FCHSD2: variants seen among roughly 807,000 people sequenced by gnomAD.
The protein encoded by FCHSD2 is F-BAR and double SH3 domains protein 2.
FCHSD2 carries 38 observed loss-of-function variants against 108.1 expected under a neutral mutation model. The ratio of observed to expected loss-of-function variants is 0.35; its 90% CI spans 0.27 to 0.46. FCHSD2 has a LOEUF of 0.46. Among genes scored for constraint, FCHSD2 ranks in the 20% least tolerant of loss-of-function variants. The pLI is 1.00. For missense variants in FCHSD2, 751 were observed against 897.8 expected (o/e 0.84, Z 2.09); for synonymous variants, 279 against 314.7 (o/e 0.89, Z 1.20).
chr11:72,983,964 C>T, intron 8 of FCHSD2, 124 bp downstream of exon 8: 1 of 759,774 alleles, frequency 1.3e-6, no homozygotes, highest in Admixed American at 2.0e-5. Context: ...CAAGTATATT[C>T]CAATGAGATG....
intron 2 of FCHSD2, among the ~76,000 whole-genome samples, chr11:73,096,832 A>C (rs1234635164): frequency 1.4e-5 from 2 of 141,374 alleles, no homozygotes; most frequent in African/African-American, 5.2e-5. Flanking sequence ...GTCTCAAAAC[A>C]AAAAAAAAAA....
At chr11:73,126,643 T>C (rs1250476107) in intron 2 of FCHSD2, among the ~76,000 whole-genome samples, 2 of 152,164 alleles carry the variant, frequency 1.3e-5, no homozygotes, top group African/African-American at 4.8e-5. Flanking sequence ...TTAACAGACA[T>C]GCAATAAAAT....
intron 13 of FCHSD2, among the ~76,000 whole-genome samples, chr11:72,853,369 G>C (rs1861342628): frequency 6.6e-6 from 1 of 152,160 alleles, no homozygotes; most frequent in East Asian, 1.9e-4. Context: ...CTAAGCCTAT[G>C]AAACTTTAAA....
chr11:73,020,096 C>T (rs1858066115), intron 3 of FCHSD2, among the ~76,000 whole-genome samples: 1 of 152,154 alleles, frequency 6.6e-6, no homozygotes, highest in African/African-American at 2.4e-5. Context: ...TATCAATATA[C>T]TCTTTGAAAC....
At chr11:73,087,315 C>T (rs1285480701) in intron 2 of FCHSD2, among the ~76,000 whole-genome samples, 1 of 151,656 alleles carries the variant, frequency 6.6e-6, no homozygotes, top group Non-Finnish European at 1.5e-5. Flanking sequence ...AAGCTAAATG[C>T]TATTTCAAAA....
intron 12 of FCHSD2, among the ~76,000 whole-genome samples, chr11:72,870,894 C>T (rs1230325376): frequency 1.4e-4 from 8 of 57,000 alleles, no homozygotes; most frequent in South Asian, 9.5e-4. Context: ...TGCGAGACTC[C>T]GTCTCAAAAA....
intron 8 of FCHSD2, 60 bp downstream of exon 8, chr11:72,984,028 A>G: frequency 7.0e-7 from 1 of 1,422,496 alleles, no homozygotes; most frequent in Non-Finnish European, 9.7e-7. Context: ...CCAACACCCA[A>G]CTTAAGTTGT....
intron 3 of FCHSD2, among the ~76,000 whole-genome samples, chr11:73,056,698 A>C (rs895823836): frequency 1.3e-5 from 2 of 152,220 alleles, no homozygotes; most frequent in African/African-American, 2.4e-5. Flanking sequence ...CAGAACAATA[A>C]GTCATATGAC....
chr11:73,100,505 A>G (rs912060542), intron 2 of FCHSD2, among the ~76,000 whole-genome samples: 5 of 152,090 alleles, frequency 3.3e-5, no homozygotes, highest in Non-Finnish European at 7.4e-5. Context: ...CTGGGATTAC[A>G]GGCATGCGCC....
intron 8 of FCHSD2, among the ~76,000 whole-genome samples, chr11:72,974,075 G>A: frequency 9.2e-6 from 1 of 108,562 alleles, no homozygotes. Flanking sequence ...TAAGGGCGGG[G>A]GGCGGGATGG....
intron 9 of FCHSD2, among the ~76,000 whole-genome samples, chr11:72,913,835 C>CCCAAAAAAAAAAA (rs1565320056): frequency 6.9e-6 from 1 of 145,706 alleles, no homozygotes; most frequent in African/African-American, 2.5e-5. Flanking sequence ...AAAAAAAAAA[C>CCCAAAAAAAAAAA]AAAAAAAAAA....
At position 72,867,960 on chromosome 11, in the gene FCHSD2, A is replaced by G; in HGVS notation, c.1213T>C (p.Trp405Arg). Residue 405 changes from tryptophan (W) to arginine (R), a missense_variant, in exon 13 of 20, where the codon TGG becomes CGG. Physicochemically the swap from Trp to Arg is moderately radical, Grantham distance 101 (BLOSUM62 -3). Transcript: ENST00000409418. ...ACTTGGTTCATGGCACTCTTTAGCC[A>G]TGTGTCCACAGAAACACCAATCTGC... ...LKQIGVSVDT[W>R]LKSAMNQVME... The G allele has an allele frequency of 6.3e-7, 1 of 1,594,074 alleles. No individual in the cohort carries two copies. Among genetic ancestry groups the G allele is most frequent in the Non-Finnish European group, 8.5e-7 (1 of 1,170,090 alleles).
chr11:72,994,838 A>G (rs1432685669), intron 5 of FCHSD2, among the ~76,000 whole-genome samples: 1 of 152,218 alleles, frequency 6.6e-6, no homozygotes, highest in African/African-American at 2.4e-5. Context: ...AAGCTTTTAA[A>G]AAATTGACAT....
chr11:72,863,664 TA>T (rs1854652478), intron 13 of FCHSD2, among the ~76,000 whole-genome samples: 1 of 151,838 alleles, frequency 6.6e-6, no homozygotes, highest in Non-Finnish European at 1.5e-5. Context: ...ACAAACCCAA[TA>T]AAAATTAAAC....
intron 13 of FCHSD2, among the ~76,000 whole-genome samples, chr11:72,866,153 T>C (rs2135200289): frequency 6.6e-6 from 1 of 152,358 alleles, no homozygotes; most frequent in East Asian, 1.9e-4. Context: ...TGGAATTTGC[T>C]GTCATCAAAA....
At chr11:73,121,766 A>AAC (rs1860740040) in intron 2 of FCHSD2, among the ~76,000 whole-genome samples, 4 of 152,186 alleles carry the variant, frequency 2.6e-5, no homozygotes, top group Admixed American at 2.6e-4. Context: ...CACAAACTTT[A>AAC]ATATATATGA....
At chr11:72,885,799 C>T (rs116626069) in intron 12 of FCHSD2, among the ~76,000 whole-genome samples, 34 of 152,112 alleles carry the variant, frequency 2.2e-4, no homozygotes, top group African/African-American at 7.0e-4. Context: ...TGGCCAGCAC[C>T]CTAAGATAGT....
chr11:72,943,365 G>A lies in FCHSD2; in HGVS notation c.706-21415C>T, dbSNP rs182472858. Among the ~76,000 whole-genome samples the A allele has an allele frequency of 3.9e-5, 6 of 152,238 alleles. No individual in the cohort carries two copies. The East Asian group carries it at 1.2e-3, about 29-fold the overall frequency. ...ACCTACTTAATTCAACTATAGTTAG[G>A]ATTAACTGAGGACTACTGAATAGAA... On this transcript the variant is annotated intron_variant, in intron 8 of 19. Coordinates refer to ENST00000409418, the MANE Select transcript of FCHSD2 (RefSeq NM_014824.3).
rs1316149474 is a variant in FCHSD2 at position 73,101,204 on chromosome 11, G to T, written c.120-17464C>A. 3.3e-5 allele frequency among the ~76,000 whole-genome samples: 5 copies of T among 152,086 alleles called. 1 individual carries two copies. Among genetic ancestry groups the T allele is most frequent in the African/African-American group, 9.7e-5 (4 of 41,396 alleles). The stretch of plus-strand genomic sequence containing the variant: ...AAACATGACATTTATTCATAAAAAG[G>T]CCACATAAAATAGCAGATAAATGCC... On this transcript the variant is annotated intron_variant, in intron 2 of 19. Transcript: ENST00000409418.
Sources: allele counts gnomAD v4.1 joint callset (sites outside exome capture counted in the v4.1 genomes callset), GRCh38; gene constraint gnomAD v4.1.1; transcripts MANE v1.5; gene names NCBI Gene and HGNC (gene_info 2026-07-23, HGNC 2026-07-21).